Variants in CRTAM observed in about 807,000 individuals in gnomAD.
CRTAM encodes cytotoxic and regulatory T-cell molecule.
CRTAM carries 44 observed loss-of-function variants against 50.0 expected under a neutral mutation model. The ratio of observed to expected loss-of-function variants is 0.88; its 90% confidence interval spans 0.69 to 1.13. The LOEUF is 1.13. Among genes scored for constraint, CRTAM ranks in the 50% most tolerant of loss-of-function variants. The pLI, the probability that CRTAM is intolerant of heterozygous loss-of-function variation, is 0.00. For synonymous variants in CRTAM, 159 were observed against 169.3 expected, an observed-to-expected ratio of 0.94 and a Z score of 0.47; for missense variants, 448 against 457.5, an observed-to-expected ratio of 0.98 and a Z score of 0.19.
intron 1 of CRTAM, among the ~76,000 whole-genome samples, chr11:122,841,820 T>C (rs978140338): frequency 2.6e-5 from 4 of 152,180 alleles, no homozygotes; most frequent in Non-Finnish European, 1.5e-5. Context: ...GAGAAACACC[T>C]GTAACCAAAT....
At chr11:122,864,938 G>A (rs894729757) in intron 7 of CRTAM, among the ~76,000 whole-genome samples, 10 of 152,110 alleles carry the variant, frequency 6.6e-5, no homozygotes, top group African/African-American at 2.2e-4. Context: ...CTGCTTCTCT[G>A]TATCCATTAA....
chr11:122,852,939 G>A (rs144567697), intron 3 of CRTAM, among the ~76,000 whole-genome samples: 1 of 152,208 alleles, frequency 6.6e-6, no homozygotes, highest in Non-Finnish European at 1.5e-5. Flanking sequence ...AAGTAAATGG[G>A]GAAGAGCTCA....
In CRTAM at chr11:122,871,548, G is replaced by T; in HGVS notation, c.*149G>T. The T allele has an allele frequency of 1.7e-6, 1 of 577,262 alleles. No individual in the cohort carries two copies. Among genetic ancestry groups the T allele is most frequent in the South Asian group, 3.7e-5 (1 of 27,294 alleles). The allele number at this position is 577,262 out of a possible 1,614,324, so 35.8% of individuals were successfully genotyped here. A position where few individuals can be genotyped will look rare whatever the true frequency, so the allele number is the denominator to read the frequency against. ...TGTCCTCGGATAATGATCTGCCCCGGAGCTAGGGCAGCAACATGAGGACCA... is the reference window on the plus strand; with the variant it reads ...TGTCCTCGGATAATGATCTGCCCCGTAGCTAGGGCAGCAACATGAGGACCA... On this transcript the variant is annotated 3_prime_UTR_variant, in exon 10 of 10. Coordinates refer to ENST00000227348, the MANE Select transcript of CRTAM (RefSeq NM_019604.4).
chr11:122,865,532 TA>T, intron 7 of CRTAM, among the ~76,000 whole-genome samples: 1 of 152,094 alleles, frequency 6.6e-6, no homozygotes, highest in South Asian at 2.1e-4. Context: ...AGAGATCTCC[TA>T]CCTCCACCTC....
intron 5 of CRTAM, among the ~76,000 whole-genome samples, chr11:122,861,256 T>C (rs1448948205): frequency 6.6e-6 from 1 of 151,082 alleles, no homozygotes; most frequent in Non-Finnish European, 1.5e-5. Context: ...TAACCAGATA[T>C]GTTTTCAAAA....
intron 5 of CRTAM, 95 bp downstream of exon 5, chr11:122,855,951 A>G: frequency 9.9e-7 from 1 of 1,005,332 alleles, no homozygotes; most frequent in Non-Finnish European, 1.5e-6. Context: ...AGTCCTTCAG[A>G]TTAAGATTAC....
intron 9 of CRTAM, among the ~76,000 whole-genome samples, chr11:122,869,679 G>T (rs765760380): frequency 6.6e-6 from 1 of 152,106 alleles, no homozygotes; most frequent in Non-Finnish European, 1.5e-5. Flanking sequence ...GAGTTTTGCC[G>T]CTCTATTCTA....
chr11:122,845,807 A>G lies in CRTAM; in HGVS notation c.47-4261A>G, dbSNP rs1861856251. ...GACATCATTTTGTTTATGCATTTTAATATGGGATGAATAGTATATATTTGT... is the reference window on the plus strand; with the variant it reads ...GACATCATTTTGTTTATGCATTTTAGTATGGGATGAATAGTATATATTTGT... On this transcript the variant is annotated intron_variant, in intron 1 of 9. Coordinates refer to ENST00000227348, the MANE Select transcript of CRTAM (RefSeq NM_019604.4). 3.3e-5 allele frequency among the ~76,000 whole-genome samples: 5 copies of G among 152,200 alleles called. No individual in the cohort carries two copies. In the South Asian group the frequency reaches 1.0e-3, roughly 32 times the overall value.
intron 8 of CRTAM, 58 bp downstream of exon 8, chr11:122,867,613 A>G: frequency 6.4e-7 from 1 of 1,553,296 alleles, no homozygotes; most frequent in Non-Finnish European, 8.8e-7. Context: ...TGGCTAAAAA[A>G]AAGGGAAATT....
intron 4 of CRTAM, among the ~76,000 whole-genome samples, chr11:122,854,385 A>G (rs996953339): frequency 6.6e-6 from 1 of 152,250 alleles, no homozygotes; most frequent in Non-Finnish European, 1.5e-5. Flanking sequence ...GAAGTATAAT[A>G]TCTCAGGCGA....
chr11:122,841,214 A>G (rs1025870334), intron 1 of CRTAM, among the ~76,000 whole-genome samples: 1 of 152,124 alleles, frequency 6.6e-6, no homozygotes, highest in Non-Finnish European at 1.5e-5. Context: ...TTTTGTAATG[A>G]TCTGAATTAA....
chr11:122,849,155 G>T (rs1005976080), intron 1 of CRTAM, among the ~76,000 whole-genome samples: 5 of 152,106 alleles, frequency 3.3e-5, no homozygotes, highest in African/African-American at 1.2e-4. Context: ...GGGTAACTCC[G>T]CAGTTCACCA....
chr11:122,856,870 G>A (rs377487495), intron 5 of CRTAM, among the ~76,000 whole-genome samples: 2 of 152,088 alleles, frequency 1.3e-5, no homozygotes, highest in African/African-American at 2.4e-5. Flanking sequence ...CCTACAGACC[G>A]AGCTGTACAG....
intron 5 of CRTAM, among the ~76,000 whole-genome samples, chr11:122,860,331 T>G (rs994365690): frequency 1.3e-5 from 2 of 152,198 alleles, no homozygotes; most frequent in Admixed American, 6.5e-5. Context: ...ATTACAGGTG[T>G]GAGCCACTGC....
At chr11:122,854,661 C>CA (rs35830458) in intron 4 of CRTAM, among the ~76,000 whole-genome samples, 17,693 of 127,672 alleles carry the variant, frequency 0.14, 1,510 homozygotes, top group African/African-American at 0.27. Flanking sequence ...AAAATTCTAT[C>CA]AAAAAAAAAA....
In CRTAM at chr11:122,838,577, T is replaced by C; in HGVS notation, c.31T>C (p.Trp11Arg). Reference protein sequence around the residue: MWWRVLSLLAWFPLQEASLTN... With the variant: MWWRVLSLLARFPLQEASLTN... ...GTGGAGAGTTCTCAGCTTGCTGGCATGGTTCCCCTTGCAAGGTAAGGACTT... is the reference window on the plus strand; with the variant it reads ...GTGGAGAGTTCTCAGCTTGCTGGCACGGTTCCCCTTGCAAGGTAAGGACTT... The change falls in exon 1 of 10, where the codon TGG becomes CGG. Residue 11 changes from tryptophan (W) to arginine (R), a missense_variant. Physicochemically the swap from Trp to Arg is moderately radical, Grantham distance 101. Transcript: ENST00000227348. 6.2e-7 allele frequency: 1 copy of C among 1,614,228 alleles called. No homozygotes were observed. The highest frequency in any genetic ancestry group is 8.5e-7 in the Non-Finnish European group (1 of 1,180,022).
At chr11:122,851,466 G>A (rs111461017) in intron 2 of CRTAM, among the ~76,000 whole-genome samples, 3 of 152,130 alleles carry the variant, frequency 2.0e-5, no homozygotes, top group Admixed American at 6.5e-5. Flanking sequence ...GGTACACTGG[G>A]AGAAGAGGGA....
rs748989837 is a variant in CRTAM at position 122,851,818 on chromosome 11, A to C, written c.319A>C (p.Thr107Pro). Residue 107 changes from threonine (T) to proline (P), a missense_variant, in exon 3 of 10, where the codon ACA becomes CCA. Transcript: ENST00000227348. ...CTTACATTACAGCGACTCTGTAAGC[A>C]CAAAGGAAGTGAAAGTGATTGTGCT... ...KCLHYSDSVS[T>P]KEVKVIVLAT... 6.2e-7 allele frequency: 1 copy of C among 1,614,218 alleles called. No individual in the cohort carries two copies. Among genetic ancestry groups the C allele is most frequent in the Non-Finnish European group, 8.5e-7 (1 of 1,180,024 alleles).
Position 122,863,251 on chromosome 11 carries a change from G to GAGAA in CRTAM, c.733+713_733+716dup, listed in dbSNP as rs1363365447. Among the ~76,000 whole-genome samples the GAGAA allele has an allele frequency of 4.1e-4, 29 of 71,402 alleles. No individual in the cohort carries two copies. In the East Asian group the frequency reaches 9.8e-3, roughly 24 times the overall value. 46.8% of individuals were successfully genotyped at this position (71,402 alleles called of 152,430 possible). A position where few individuals can be genotyped will look rare whatever the true frequency, so the allele number is the denominator to read the frequency against. ...TACGAAAGAAAGAAAGAAAGAAAGA[G>GAGAA]AGAAAGAAAAGAAAGAAAGAAAAAG... On this transcript the variant is annotated intron_variant, in intron 6 of 9. Coordinates refer to ENST00000227348, the MANE Select transcript of CRTAM (RefSeq NM_019604.4).
Sources: allele counts gnomAD v4.1 joint callset (sites outside exome capture counted in the v4.1 genomes callset), GRCh38; gene constraint gnomAD v4.1.1; transcripts MANE v1.5; gene names NCBI Gene and HGNC (gene_info 2026-07-23, HGNC 2026-07-21).